Variants in SOS1 observed in about 807,000 individuals in gnomAD.
The protein encoded by SOS1 is son of sevenless homolog 1.
In SOS1, 25 loss-of-function variants were observed where a neutral mutation model predicts 157.6. The ratio of observed to expected loss-of-function variants is 0.16; its 90% CI spans 0.12 to 0.22. The LOEUF (loss-of-function observed/expected upper bound fraction) is 0.22. Among genes scored for constraint, SOS1 ranks in the 10% least tolerant of loss-of-function variants. The probability of loss-of-function intolerance (pLI) is 1.00; values close to 1 mark genes in which losing one functional copy is unlikely to be tolerated. For missense variants in SOS1, 1,237 were observed against 1,599.1 expected (o/e 0.77, Z 3.86); for synonymous variants, 528 against 534.0 (o/e 0.99, Z 0.16).
intron 10 of SOS1, among the ~76,000 whole-genome samples, chr2:39,019,941 A>T (rs1558472827): frequency 6.6e-6 from 1 of 151,328 alleles, no homozygotes; most frequent in East Asian, 1.9e-4. Context: ...TAATTTATTT[A>T]TTTTTTTTGA....
upstream of SOS1, among the ~76,000 whole-genome samples, chr2:39,122,486 C>T (rs947838902): frequency 2.8e-5 from 4 of 144,024 alleles, no homozygotes; most frequent in East Asian, 2.0e-4. Context: ...ACACACAGAC[C>T]GGCCGGGCGC....
intron 10 of SOS1, among the ~76,000 whole-genome samples, chr2:39,017,102 T>C (rs1391195084): frequency 3.3e-5 from 5 of 152,060 alleles, no homozygotes; most frequent in Admixed American, 6.6e-5. Flanking sequence ...ATATGATTTA[T>C]GTGAGGTGAG....
At chr2:39,045,273 A>AGAGGGTGTGTGTGTGTGT (rs138343013) in intron 6 of SOS1, among the ~76,000 whole-genome samples, 1 of 108,048 alleles carries the variant, frequency 9.3e-6, no homozygotes, top group Non-Finnish European at 1.9e-5. Flanking sequence ...AGAGAGAGAG[A>AGAGGGTGTGTGTGTGTGT]GTGTGTGTGT....
chr2:39,121,148 G>A (rs1673879108), upstream of SOS1: 2 of 153,216 alleles, frequency 1.3e-5, no homozygotes, highest in Admixed American at 6.5e-5. Flanking sequence ...AGAGAGACAG[G>A]GAGGGCGCCC....
intron 1 of SOS1, among the ~76,000 whole-genome samples, chr2:39,078,177 A>G (rs1040295316): frequency 2.0e-5 from 3 of 152,138 alleles, no homozygotes; most frequent in Non-Finnish European, 4.4e-5. Flanking sequence ...GCTCAGCCTC[A>G]ATCTCAATCT....
chr2:38,983,541 C>CTT lies in SOS1; in HGVS notation c.*2281_*2282dup, dbSNP rs1158020937. On this transcript the variant is annotated 3_prime_UTR_variant, in exon 23 of 23. Coordinates refer to ENST00000402219, the MANE Select transcript of SOS1 (RefSeq NM_005633.4). Reference sequence around the variant, plus strand: ...AGAACTCCAAATCTGAATTTTTCCTCTTTATAGACTAGATAGGTTGAAAAG... The same window carrying CTT: ...AGAACTCCAAATCTGAATTTTTCCTCTTTTTATAGACTAGATAGGTTGAAAAG... 6.7e-6 allele frequency: 1 copy of CTT among 149,462 alleles called. No homozygotes were observed. 9.3% of individuals were successfully genotyped at this position (149,462 alleles called of 1,614,324 possible). A position where few individuals can be genotyped will look rare whatever the true frequency, so the allele number is the denominator to read the frequency against.
chr2:39,004,089 T>C (rs2124495474), intron 17 of SOS1, among the ~76,000 whole-genome samples: 1 of 152,170 alleles, frequency 6.6e-6, no homozygotes, highest in East Asian at 1.9e-4. Flanking sequence ...GGCAGGGGTA[T>C]AGGAAGTCAG....
chr2:39,095,765 T>A (rs1019971837), intron 1 of SOS1, among the ~76,000 whole-genome samples: 1 of 152,218 alleles, frequency 6.6e-6, no homozygotes, highest in African/African-American at 2.4e-5. Flanking sequence ...GAGGAATCAT[T>A]AGAGTTTTAA....
At position 38,985,994 on chromosome 2, in the gene SOS1, A is replaced by T. The variant is rs750354913; in HGVS notation, c.3832T>A (p.Leu1278Met). The T allele has an allele frequency of 1.9e-6, 3 of 1,613,932 alleles. No homozygotes were observed. The highest frequency in any genetic ancestry group is 2.5e-6 in the Non-Finnish European group (3 of 1,179,888). ...GTRRHLPSPP[L>M]TQEVDLHSIA... ...GAATGAAGGTCCACTTCTTGTGTCAATGGTGGTGATGGCAGATGCCTTCTT... is the reference window on the plus strand; with the variant it reads ...GAATGAAGGTCCACTTCTTGTGTCATTGGTGGTGATGGCAGATGCCTTCTT... Residue 1278 changes from leucine (L) to methionine (M), a missense_variant, in exon 23 of 23, where the codon TTG (leucine) becomes ATG (methionine). This residue lies in a region of SOS1 where 306 missense variants were observed against 322.6 expected (regional missense o/e 0.95). Transcript: ENST00000402219.
intron 8 of SOS1, among the ~76,000 whole-genome samples, chr2:39,033,062 TTC>T (rs1259148934): frequency 3.3e-5 from 5 of 151,140 alleles, no homozygotes; most frequent in Non-Finnish European, 7.4e-5. Flanking sequence ...TGCTAGGAAA[TTC>T]TTTTTCTTCT....
intron 17 of SOS1, among the ~76,000 whole-genome samples, chr2:39,001,636 G>C (rs570606572): frequency 2.0e-4 from 30 of 152,294 alleles, no homozygotes; most frequent in African/African-American, 6.0e-4. Flanking sequence ...AATCTGGAAG[G>C]AGTTTCTATA....
intron 1 of SOS1, among the ~76,000 whole-genome samples, chr2:39,120,111 C>G (rs184731028): frequency 2.0e-5 from 3 of 152,134 alleles, no homozygotes; most frequent in Non-Finnish European, 4.4e-5. Context: ...TTGGATTATC[C>G]GGATAAACTC....
chr2:39,118,006 A>G (rs144053596), intron 1 of SOS1, among the ~76,000 whole-genome samples: 193 of 152,374 alleles, frequency 1.3e-3, no homozygotes, highest in African/African-American at 3.8e-3. Context: ...GTCAAGCACT[A>G]TAAGTATGGG....
chr2:39,023,372 TACAC>T, intron 9 of SOS1, 147 bp from the exon 10 acceptor site: 1 of 590,688 alleles, frequency 1.7e-6, no homozygotes, highest in Non-Finnish European at 2.8e-6. Context: ...ATTACAAAAT[TACAC>T]AATTTTGAAA....
chr2:39,028,429 A>G (rs576791080), intron 8 of SOS1, among the ~76,000 whole-genome samples: 11 of 152,328 alleles, frequency 7.2e-5, no homozygotes, highest in Admixed American at 2.6e-4. Flanking sequence ...TATATGCTCA[A>G]TTCACTCACA....
At chr2:39,080,136 T>G (rs1270072262) in intron 1 of SOS1, among the ~76,000 whole-genome samples, 1 of 151,910 alleles carries the variant, frequency 6.6e-6, no homozygotes, top group Non-Finnish European at 1.5e-5. Flanking sequence ...TAATGTACAA[T>G]CAATGGGAGC....
At chr2:39,109,130 T>C (rs1404458044) in intron 1 of SOS1, among the ~76,000 whole-genome samples, 2 of 152,132 alleles carry the variant, frequency 1.3e-5, no homozygotes, top group African/African-American at 4.8e-5. Context: ...CCCCAGGAAG[T>C]TGGGGCTGCA....
chr2:38,991,604 G>A (rs556676206), intron 20 of SOS1, among the ~76,000 whole-genome samples: 1 of 152,336 alleles, frequency 6.6e-6, no homozygotes, highest in Non-Finnish European at 1.5e-5. Flanking sequence ...GTGTGGAGCA[G>A]GGCTTTGAAT....
chr2:39,056,689 CT>C lies in SOS1; in HGVS notation c.510+12del. On this transcript the variant is annotated intron_variant, in intron 4 of 22. Transcript: ENST00000402219. ...GAAACTTAAGAAAAAAATAGAAAAG[CT>C]CAGTTTCCTACCTTGTCAGCACACA... 1.9e-6 allele frequency: 3 copies of C among 1,566,920 alleles called. No homozygotes were observed. The highest frequency in any genetic ancestry group is 2.6e-6 in the Non-Finnish European group (3 of 1,137,586).
Sources: gnomAD v4.1 joint callset for allele counts (sites outside exome capture counted in the v4.1 genomes callset) on GRCh38, gnomAD v4.1.1 for gene constraint, gnomAD v4.1.1 regional missense constraint, MANE v1.5 for transcripts, NCBI Gene and HGNC (gene_info 2026-07-23, HGNC 2026-07-21) for gene names.